ROR1: variants seen among roughly 807,000 people sequenced by gnomAD.
ROR1 encodes the protein inactive tyrosine-protein kinase transmembrane receptor ROR1.
ROR1 carries 19 observed loss-of-function variants against 78.8 expected under a neutral mutation model. That is an observed-to-expected ratio of 0.24 (90% CI 0.17 to 0.35). The LOEUF (loss-of-function observed/expected upper bound fraction) is 0.35. Among genes scored for constraint, ROR1 ranks in the 10% least tolerant of loss-of-function variants. The probability of loss-of-function intolerance (pLI) is 1.00; values close to 1 mark genes in which losing one functional copy is unlikely to be tolerated. For synonymous variants in ROR1, 386 were observed against 433.6 expected (o/e 0.89, Z 1.36); for missense variants, 917 against 1,177.8 (o/e 0.78, Z 3.24).
At chr1:64,026,424 G>A (rs1646609991) in intron 2 of ROR1, among the ~76,000 whole-genome samples, 1 of 152,150 alleles carries the variant, frequency 6.6e-6, no homozygotes, top group Admixed American at 6.5e-5. Context: ...GTTATGTGTG[G>A]TCATTTTAGA....
chr1:63,938,625 ATAT>A (rs1190566220), intron 1 of ROR1, among the ~76,000 whole-genome samples: 1 of 152,196 alleles, frequency 6.6e-6, no homozygotes, highest in Non-Finnish European at 1.5e-5. Context: ...GAAGCCCATG[ATAT>A]TAATCACATC....
chr1:63,929,821 T>C (rs1645736327), intron 1 of ROR1, among the ~76,000 whole-genome samples: 1 of 152,128 alleles, frequency 6.6e-6, no homozygotes, highest in South Asian at 2.1e-4. Context: ...ATTAACAGAT[T>C]ATAAATGAAG....
chr1:63,810,680 C>A (rs1438347976), intron 1 of ROR1, among the ~76,000 whole-genome samples: 2 of 152,040 alleles, frequency 1.3e-5, no homozygotes, highest in Non-Finnish European at 2.9e-5. Context: ...AAAGGGCAGA[C>A]CAGATGGAGG....
At chr1:63,882,498 C>T (rs999798316) in intron 1 of ROR1, among the ~76,000 whole-genome samples, 4 of 152,134 alleles carry the variant, frequency 2.6e-5, no homozygotes, top group African/African-American at 9.7e-5. Context: ...TTTTGTGAGC[C>T]TGTGGGTGAC....
At chr1:63,816,329 G>A (rs542918706) in intron 1 of ROR1, among the ~76,000 whole-genome samples, 1 of 152,300 alleles carries the variant, frequency 6.6e-6, no homozygotes, top group East Asian at 1.9e-4. Context: ...GACCCAGTGG[G>A]AGATAATTGA....
intron 1 of ROR1, among the ~76,000 whole-genome samples, chr1:63,939,510 A>G (rs1238820006): frequency 6.6e-6 from 1 of 152,182 alleles, no homozygotes; most frequent in Non-Finnish European, 1.5e-5. Flanking sequence ...TTAATGAAAA[A>G]ATTTCCAGGC....
intron 2 of ROR1, among the ~76,000 whole-genome samples, chr1:64,047,546 T>A (rs1317598496): frequency 6.6e-6 from 1 of 152,234 alleles, no homozygotes; most frequent in African/African-American, 2.4e-5. Flanking sequence ...TTAATCACTA[T>A]GCTTATAGTG....
intron 1 of ROR1, among the ~76,000 whole-genome samples, chr1:63,916,957 A>G (rs1041445714): frequency 6.6e-6 from 1 of 152,230 alleles, no homozygotes; most frequent in African/African-American, 2.4e-5. Context: ...GTTACTGTGC[A>G]GGGTCCAGCC....
At chr1:64,053,712 G>C (rs147855288) in intron 4 of ROR1, among the ~76,000 whole-genome samples, 8 of 152,256 alleles carry the variant, frequency 5.3e-5, no homozygotes, top group African/African-American at 1.9e-4. Flanking sequence ...AAATGATTAA[G>C]AGCCAGGAAC....
intron 4 of ROR1, among the ~76,000 whole-genome samples, chr1:64,133,229 A>G (rs1421642749): frequency 6.6e-6 from 1 of 152,194 alleles, no homozygotes; most frequent in Non-Finnish European, 1.5e-5. Flanking sequence ...CCATGTCCGC[A>G]TCGAAGTGCA....
chr1:63,901,255 G>T (rs982090636), intron 1 of ROR1, among the ~76,000 whole-genome samples: 2 of 152,136 alleles, frequency 1.3e-5, no homozygotes, highest in African/African-American at 4.8e-5. Context: ...TTTCCTGAAG[G>T]TTCTACGGCC....
chr1:64,162,785 G>T (rs1391907525), intron 8 of ROR1, among the ~76,000 whole-genome samples: 2 of 152,174 alleles, frequency 1.3e-5, no homozygotes, highest in Admixed American at 6.5e-5. Context: ...GAGTGAGGTT[G>T]TTTTTTCTTC....
intron 7 of ROR1, among the ~76,000 whole-genome samples, chr1:64,156,959 C>T (rs1649792929): frequency 6.6e-6 from 1 of 152,138 alleles, no homozygotes; most frequent in African/African-American, 2.4e-5. Flanking sequence ...CCTTGGGCAA[C>T]TTACTTAACC....
At chr1:63,987,088 G>A (rs1646258928) in intron 1 of ROR1, among the ~76,000 whole-genome samples, 1 of 152,016 alleles carries the variant, frequency 6.6e-6, no homozygotes, top group South Asian at 2.1e-4. Flanking sequence ...CTTTTCTGTT[G>A]TTTCTGCCTC....
At chr1:64,131,891 G>A (rs921748919) in intron 4 of ROR1, among the ~76,000 whole-genome samples, 2 of 152,096 alleles carry the variant, frequency 1.3e-5, no homozygotes, top group Non-Finnish European at 2.9e-5. Flanking sequence ...AAAGTGCGGG[G>A]ATTATAGGCA....
chr1:64,058,207 T>C (rs1319493492), intron 4 of ROR1, among the ~76,000 whole-genome samples: 1 of 152,222 alleles, frequency 6.6e-6, no homozygotes. Flanking sequence ...AACTTGCTTC[T>C]TAGCTCTAGC....
intron 1 of ROR1, among the ~76,000 whole-genome samples, chr1:63,825,440 G>A (rs1644947368): frequency 6.6e-6 from 1 of 152,218 alleles, no homozygotes; most frequent in Admixed American, 6.5e-5. Context: ...ACCACATATT[G>A]TGTGATTGCA....
intron 8 of ROR1, among the ~76,000 whole-genome samples, chr1:64,174,449 C>A (rs1471550850): frequency 6.6e-6 from 1 of 152,148 alleles, no homozygotes; most frequent in East Asian, 1.9e-4. Context: ...GTCCAAAGCT[C>A]ACTTAGTTTG....
At position 63,944,565 on chromosome 1, in the gene ROR1, C is replaced by T. The variant is rs201989225; in HGVS notation, c.92-64740C>T. 1.8e-4 allele frequency among the ~76,000 whole-genome samples: 27 copies of T among 152,192 alleles called. No homozygotes were observed. The East Asian group carries it at 1.9e-3, about 11-fold the overall frequency. ...TTTGATTTACTTAAGTGGTCTATTT[C>T]GTTATTCCAGTAAGGAGGAACTTGT... is the stretch of plus-strand genomic sequence containing the variant. On this transcript the variant is annotated intron_variant, in intron 1 of 8. Coordinates refer to ENST00000371079, the MANE Select transcript of ROR1 (RefSeq NM_005012.4).
Sources: allele counts gnomAD v4.1 joint callset (sites outside exome capture counted in the v4.1 genomes callset), GRCh38; gene constraint gnomAD v4.1.1; transcripts MANE v1.5; gene names NCBI Gene and HGNC (gene_info 2026-07-23, HGNC 2026-07-21).